The following LRBA variants were observed in gnomAD, a reference collection of about 807,000 sequenced individuals.
LRBA encodes LPS responsive beige-like anchor protein.
In LRBA, 176 loss-of-function variants were observed where a neutral mutation model predicts 330.0. The ratio of observed to expected loss-of-function variants is 0.53; its 90% confidence interval spans 0.47 to 0.60. The LOEUF is 0.60. Among genes scored for constraint, LRBA ranks in the 20% least tolerant of loss-of-function variants. The pLI is 0.00. For synonymous variants in LRBA, 1,230 were observed against 1,193.0 expected, an observed-to-expected ratio of 1.03 and a Z score of -0.64; for missense variants, 3,259 against 3,444.8, an observed-to-expected ratio of 0.95 and a Z score of 1.35.
intron 34 of LRBA, among the ~76,000 whole-genome samples, chr4:150,788,261 T>G (rs1291946342): frequency 7.2e-6 from 1 of 139,520 alleles, no homozygotes; most frequent in Non-Finnish European, 1.6e-5. Context: ...TTTTTTTTTT[T>G]TTTTTTTTGG....
chr4:150,596,942 T>A, intron 38 of LRBA: 1 of 455,144 alleles, frequency 2.2e-6, no homozygotes, highest in Non-Finnish European at 4.1e-6. Context: ...ATATGATATA[T>A]CTCTGAAATT....
chr4:150,562,019 C>T (rs1320319055), intron 40 of LRBA, among the ~76,000 whole-genome samples: 1 of 152,156 alleles, frequency 6.6e-6, no homozygotes, highest in Non-Finnish European at 1.5e-5. Flanking sequence ...CTGTGAATGG[C>T]TGTGCTCTCT....
chr4:150,462,246 T>C (rs780538744), intron 44 of LRBA, among the ~76,000 whole-genome samples: 1 of 151,758 alleles, frequency 6.6e-6, no homozygotes, highest in Non-Finnish European at 1.5e-5. Context: ...ACTGGGAAAG[T>C]AGAGGGAAAA....
intron 37 of LRBA, among the ~76,000 whole-genome samples, chr4:150,670,447 C>T (rs1263524752): frequency 6.6e-6 from 1 of 152,180 alleles, no homozygotes; most frequent in Non-Finnish European, 1.5e-5. Context: ...CATGCTGCTA[C>T]CCATTTTTGA....
At chr4:150,744,909 C>T (rs1486505268) in intron 35 of LRBA, among the ~76,000 whole-genome samples, 2 of 152,156 alleles carry the variant, frequency 1.3e-5, no homozygotes, top group African/African-American at 4.8e-5. Flanking sequence ...GGGATAATCA[C>T]TCTGGTACTT....
chr4:151,001,366 C>T (rs1160718179), intron 2 of LRBA, among the ~76,000 whole-genome samples: 1 of 152,180 alleles, frequency 6.6e-6, no homozygotes, highest in African/African-American at 2.4e-5. Context: ...GGGAACCACC[C>T]TGTCCCTTCT....
chr4:150,834,873 C>G (rs1018051970), intron 28 of LRBA, among the ~76,000 whole-genome samples: 1 of 152,098 alleles, frequency 6.6e-6, no homozygotes, highest in Non-Finnish European at 1.5e-5. Context: ...ACATGAAGTC[C>G]TTGCCCATGC....
upstream of LRBA, chr4:151,015,382 GGT>G: frequency 6.5e-6 from 1 of 153,220 alleles, no homozygotes; most frequent in Non-Finnish European, 1.5e-5. Context: ...GGGGTGGGGA[GGT>G]GTGTGTGGTG....
chr4:150,809,003 G>T (rs924117648), intron 31 of LRBA, among the ~76,000 whole-genome samples: 1 of 152,102 alleles, frequency 6.6e-6, no homozygotes, highest in Admixed American at 6.6e-5. Context: ...GAATCTTTCA[G>T]TCCAAAAGTG....
intron 47 of LRBA, among the ~76,000 whole-genome samples, chr4:150,407,693 A>G (rs150569287): frequency 2.6e-5 from 4 of 152,288 alleles, no homozygotes; most frequent in African/African-American, 7.2e-5. Flanking sequence ...TCCAATCACA[A>G]TGAAATTAAA....
At chr4:150,505,904 G>A (rs1475760608) in intron 40 of LRBA, among the ~76,000 whole-genome samples, 11 of 152,206 alleles carry the variant, frequency 7.2e-5, no homozygotes, top group South Asian at 2.1e-4. Flanking sequence ...TATCACCACC[G>A]ATCCCACAGA....
Position 150,501,554 on chromosome 4 carries a change from G to C in LRBA, c.6331-10519C>G, listed in dbSNP as rs75703078. 3.5e-3 allele frequency among the ~76,000 whole-genome samples: 534 copies of C among 152,056 alleles called. 28 individuals are homozygous for C. The East Asian group carries it at 0.096, about 27-fold the overall frequency. On this transcript the variant is annotated intron_variant, in intron 40 of 56. Transcript: ENST00000651943. ...TTGGGCCTGGGATGCAGAAGGTGTA[G>C]TGAGCCAAGGTCGTGCCACTGTACT... is the stretch of plus-strand genomic sequence containing the variant.
chr4:150,715,153 T>G (rs1368004286), intron 36 of LRBA, among the ~76,000 whole-genome samples: 2 of 152,152 alleles, frequency 1.3e-5, no homozygotes, highest in African/African-American at 2.4e-5. Flanking sequence ...TATGATAAAT[T>G]TATACCCAAC....
chr4:150,963,446 T>C (rs1442217142), intron 2 of LRBA, among the ~76,000 whole-genome samples: 1 of 149,692 alleles, frequency 6.7e-6, no homozygotes, highest in Admixed American at 6.6e-5. Context: ...CTCGGCCTCC[T>C]GAGGTGCCGG....
chr4:150,488,150 G>C (rs994504798), intron 41 of LRBA, among the ~76,000 whole-genome samples: 1 of 151,584 alleles, frequency 6.6e-6, no homozygotes, highest in African/African-American at 2.4e-5. Flanking sequence ...TGATAGCTGA[G>C]ATAATGTGAC....
intron 47 of LRBA, among the ~76,000 whole-genome samples, chr4:150,366,242 A>G (rs1301915483): frequency 6.6e-6 from 1 of 152,184 alleles, no homozygotes. Context: ...TTAGAATACT[A>G]TAAAATATGA....
intron 35 of LRBA, among the ~76,000 whole-genome samples, chr4:150,756,440 T>C (rs548567265): frequency 6.6e-6 from 1 of 152,166 alleles, no homozygotes; most frequent in African/African-American, 2.4e-5. Flanking sequence ...AAAATAAGAA[T>C]AAAAGGCAAA....
intron 34 of LRBA, among the ~76,000 whole-genome samples, chr4:150,767,452 T>C (rs1735905733): frequency 6.6e-6 from 1 of 152,176 alleles, no homozygotes; most frequent in Non-Finnish European, 1.5e-5. Flanking sequence ...CATTTGATTC[T>C]GGTGGGCAGA....
At position 150,614,426 on chromosome 4, in the gene LRBA, T is replaced by C. The variant is rs1002473098; in HGVS notation, c.5922-15295A>G. On this transcript the variant is annotated intron_variant, in intron 37 of 56. Coordinates refer to ENST00000651943, the MANE Select transcript of LRBA (RefSeq NM_001364905.1). ...AAGAAAGTTATTGGAATAAACAACA[T>C]GTAATGAGAGCCTTCAATACTAATT... 5.9e-5 allele frequency among the ~76,000 whole-genome samples: 9 copies of C among 152,354 alleles called. No homozygotes were observed. The East Asian group carries it at 1.5e-3, about 26-fold the overall frequency.
Sources: gnomAD v4.1 joint callset for allele counts (sites outside exome capture counted in the v4.1 genomes callset) on GRCh38, gnomAD v4.1.1 for gene constraint, MANE v1.5 for transcripts, NCBI Gene and HGNC (gene_info 2026-07-23, HGNC 2026-07-21) for gene names.